The following RPS6KC1 variants were observed in gnomAD, a reference collection of about 807,000 sequenced individuals.
RPS6KC1 encodes ribosomal protein S6 kinase C1.
A neutral mutation model predicts 103.8 loss-of-function variants in RPS6KC1; 54 were observed. The observed-to-expected ratio is 0.52, with a 90% CI of 0.42 to 0.65. The LOEUF (loss-of-function observed/expected upper bound fraction) is 0.65. Ranked by LOEUF, RPS6KC1 falls within the 30% of genes least tolerant of loss-of-function variation. The pLI is 0.00. For synonymous variants in RPS6KC1, 439 were observed against 438.7 expected (o/e 1.00, Z -0.01); for missense variants, 1,151 against 1,253.8 (o/e 0.92, Z 1.24).
the RPS6KC1 span, among the ~76,000 whole-genome samples, chr1:213,319,700 G>A: frequency 2.6e-5 from 4 of 151,708 alleles, no homozygotes; most frequent in South Asian, 2.1e-4. Flanking sequence ...CTTGCTTGTC[G>A]GGTGGAACTA....
the RPS6KC1 span, among the ~76,000 whole-genome samples, chr1:213,716,988 T>G: frequency 6.6e-6 from 1 of 152,238 alleles, no homozygotes; most frequent in Non-Finnish European, 1.5e-5. Flanking sequence ...ACCCAAAATT[T>G]ATAGGCTCAG....
At chr1:213,738,788 A>G in the RPS6KC1 span, among the ~76,000 whole-genome samples, 1 of 151,708 alleles carries the variant, frequency 6.6e-6, no homozygotes, top group Non-Finnish European at 1.5e-5. Flanking sequence ...TGAGGTCAAG[A>G]GTTTGAGACC....
the RPS6KC1 span, among the ~76,000 whole-genome samples, chr1:213,786,442 A>C: frequency 6.6e-6 from 1 of 152,196 alleles, no homozygotes; most frequent in Non-Finnish European, 1.5e-5. Flanking sequence ...ATCATAGTAC[A>C]GTGAGTAGAT....
At chr1:213,639,663 GGT>G in the RPS6KC1 span, among the ~76,000 whole-genome samples, 1 of 151,882 alleles carries the variant, frequency 6.6e-6, no homozygotes, top group African/African-American at 2.4e-5. Flanking sequence ...AAGATCACAT[GGT>G]TTTTCTTCTT....
the RPS6KC1 span, chr1:213,840,441 T>A: frequency 6.6e-6 from 1 of 152,160 alleles, no homozygotes; most frequent in Non-Finnish European, 1.5e-5. Flanking sequence ...ATATATGAAG[T>A]TTCTTTCAAA....
chr1:213,562,652 G>A, the RPS6KC1 span, among the ~76,000 whole-genome samples: 1 of 151,918 alleles, frequency 6.6e-6, no homozygotes, highest in Non-Finnish European at 1.5e-5. Context: ...ACAGGTGTCA[G>A]CCACTGCGCC....
the RPS6KC1 span, among the ~76,000 whole-genome samples, chr1:213,399,573 T>A: frequency 6.6e-6 from 1 of 152,096 alleles, no homozygotes; most frequent in Non-Finnish European, 1.5e-5. Flanking sequence ...TTTCCCTAGC[T>A]ACACTGAGAG....
the RPS6KC1 span, among the ~76,000 whole-genome samples, chr1:213,812,081 A>G: frequency 0.087 from 13,263 of 152,256 alleles, 959 homozygotes; most frequent in East Asian, 0.21. Flanking sequence ...AAAACAAACA[A>G]AAAACAGTCT....
At chr1:213,208,768 T>G (rs2093424942) in intron 8 of RPS6KC1, among the ~76,000 whole-genome samples, 1 of 151,792 alleles carries the variant, frequency 6.6e-6, no homozygotes, top group Admixed American at 6.6e-5. Context: ...TTTAGCTGTT[T>G]GTAGTATCTG....
chr1:213,091,167 C>A (rs974740456), intron 3 of RPS6KC1, among the ~76,000 whole-genome samples: 2 of 151,936 alleles, frequency 1.3e-5, no homozygotes, highest in South Asian at 4.1e-4. Context: ...ATGCCATTCT[C>A]CTGCCTCAGC....
the RPS6KC1 span, among the ~76,000 whole-genome samples, chr1:213,503,877 A>G: frequency 6.6e-6 from 1 of 152,180 alleles, no homozygotes; most frequent in Non-Finnish European, 1.5e-5. Context: ...TTTTTTTGTA[A>G]TCACCCCACT....
At chr1:213,213,658 A>G (rs998562898) in intron 8 of RPS6KC1, among the ~76,000 whole-genome samples, 4 of 152,236 alleles carry the variant, frequency 2.6e-5, no homozygotes, top group African/African-American at 9.6e-5. Context: ...ATTGCCAATC[A>G]TATTTCACTG....
the RPS6KC1 span, among the ~76,000 whole-genome samples, chr1:213,713,760 C>G: frequency 4.1e-3 from 621 of 152,324 alleles, 14 homozygotes; most frequent in East Asian, 0.074. Context: ...CATCTCTGAA[C>G]CAAGCAGATG....
the RPS6KC1 span, among the ~76,000 whole-genome samples, chr1:213,650,921 T>G: frequency 7.6e-6 from 1 of 132,344 alleles, no homozygotes. Flanking sequence ...CATGGCAACT[T>G]GCATGTTAAA....
chr1:213,053,886 G>T (rs1012355974), intron 1 of RPS6KC1, among the ~76,000 whole-genome samples: 8 of 151,736 alleles, frequency 5.3e-5, no homozygotes, highest in African/African-American at 1.5e-4. Flanking sequence ...GCCCAGGCTG[G>T]AGTGCAGTGG....
the RPS6KC1 span, among the ~76,000 whole-genome samples, chr1:213,453,958 C>G: frequency 2.4e-4 from 36 of 151,868 alleles, no homozygotes; most frequent in Non-Finnish European, 4.9e-4. Context: ...ACCATGTAGC[C>G]TAAAAATATT....
At chr1:213,669,569 T>C in the RPS6KC1 span, among the ~76,000 whole-genome samples, 1 of 152,140 alleles carries the variant, frequency 6.6e-6, no homozygotes, top group Non-Finnish European at 1.5e-5. Context: ...AGGCACAAAG[T>C]GAGCACACGA....
the RPS6KC1 span, among the ~76,000 whole-genome samples, chr1:213,446,780 T>G: frequency 1.3e-5 from 2 of 152,334 alleles, no homozygotes; most frequent in African/African-American, 4.8e-5. Context: ...TGCTATGATT[T>G]TAATTTTTGT....
chr1:213,543,328 A>C, the RPS6KC1 span, among the ~76,000 whole-genome samples: 5 of 152,314 alleles, frequency 3.3e-5, no homozygotes, highest in South Asian at 4.2e-4. Flanking sequence ...AGTGACCCAG[A>C]TGCTAAACAA....
Sources: gnomAD v4.1 joint callset for allele counts (sites outside exome capture counted in the v4.1 genomes callset) on GRCh38, gnomAD v4.1.1 for gene constraint, MANE v1.5 for transcripts, NCBI Gene and HGNC (gene_info 2026-07-23, HGNC 2026-07-21) for gene names.